The following CNTNAP2 variants were observed in gnomAD, a reference collection of about 807,000 sequenced individuals.
The protein encoded by CNTNAP2 is contactin associated protein 2.
In CNTNAP2, 98 loss-of-function variants were observed where a neutral mutation model predicts 155.2. That is an observed-to-expected ratio of 0.63 (90% CI 0.54 to 0.75). The LOEUF is 0.75. Among genes scored for constraint, CNTNAP2 ranks in the 30% least tolerant of loss-of-function variants. CNTNAP2 has a pLI of 0.00. For missense variants in CNTNAP2, 1,727 were observed against 1,688.1 expected (o/e 1.02, Z -0.40); for synonymous variants, 651 against 631.2 (o/e 1.03, Z -0.47).
chr7:146,616,967 T>A (rs1799235571), intron 1 of CNTNAP2, among the ~76,000 whole-genome samples: 2 of 152,210 alleles, frequency 1.3e-5, no homozygotes. Flanking sequence ...TGGTTATAAT[T>A]ACGTGATTGG....
At chr7:147,277,559 G>A (rs998479261) in intron 8 of CNTNAP2, among the ~76,000 whole-genome samples, 1 of 151,804 alleles carries the variant, frequency 6.6e-6, no homozygotes, top group African/African-American at 2.4e-5. Context: ...GTTGAATGGA[G>A]ATAATTCAGG....
chr7:148,178,005 G>A, intron 18 of CNTNAP2, among the ~76,000 whole-genome samples: 1 of 151,018 alleles, frequency 6.6e-6, no homozygotes, highest in Non-Finnish European at 1.5e-5. Flanking sequence ...ATGTATAGTT[G>A]AATCTGACTA....
At position 146,923,101 on chromosome 7, in the gene CNTNAP2, G is replaced by A. The variant is rs115084753; in HGVS notation, c.402+83197G>A. On this transcript the variant is annotated intron_variant, in intron 3 of 23. Coordinates refer to ENST00000361727, the MANE Select transcript of CNTNAP2 (RefSeq NM_014141.6). ...TGACTCTTTTGGCTGGGTGATCTGG[G>A]GCAAGTTGCTTAATCTTTTAAAGCT... is the stretch of plus-strand genomic sequence containing the variant. 3.6e-3 allele frequency among the ~76,000 whole-genome samples: 546 copies of A among 152,204 alleles called. 3 individuals are homozygous for A. The highest frequency in any genetic ancestry group is 0.012 in the African/African-American group (513 of 41,538).
intron 5 of CNTNAP2, among the ~76,000 whole-genome samples, chr7:147,110,653 G>C (rs1271100343): frequency 6.6e-6 from 1 of 152,080 alleles, no homozygotes; most frequent in Non-Finnish European, 1.5e-5. Context: ...GCATTAGTTT[G>C]CTGAGGACAA....
At chr7:148,346,429 C>T (rs959388113) in intron 21 of CNTNAP2, among the ~76,000 whole-genome samples, 2 of 152,078 alleles carry the variant, frequency 1.3e-5, no homozygotes, top group African/African-American at 4.8e-5. Flanking sequence ...TTCCAGGGAA[C>T]AATTTTCTAT....
chr7:146,727,494 G>A (rs1041455801), intron 1 of CNTNAP2, among the ~76,000 whole-genome samples: 2 of 152,120 alleles, frequency 1.3e-5, no homozygotes, highest in African/African-American at 4.8e-5. Context: ...ATGGTGAGAT[G>A]ACCTCTGTGT....
chr7:146,677,195 A>G (rs982418246), intron 1 of CNTNAP2, among the ~76,000 whole-genome samples: 1 of 152,160 alleles, frequency 6.6e-6, no homozygotes, highest in Admixed American at 6.5e-5. Context: ...AAGTGGGGGA[A>G]GTGGGAGGCT....
At position 147,040,451 on chromosome 7, in the gene CNTNAP2, A is replaced by ATTT. The variant is rs34880534; in HGVS notation, c.403-3431_403-3429dup. On this transcript the variant is annotated intron_variant, in intron 3 of 23. Transcript: ENST00000361727. ...CTAGCATCATATGGATTAAGAGTGAATTTTTTTTTTTTTTTTTTTTTTTTT... is the reference window on the plus strand; with the variant it reads ...CTAGCATCATATGGATTAAGAGTGAATTTTTTTTTTTTTTTTTTTTTTTTTTTT... 4.6e-4 allele frequency among the ~76,000 whole-genome samples: 37 copies of ATTT among 80,852 alleles called. 1 individual carries two copies. Among genetic ancestry groups the ATTT allele is most frequent in the Admixed American group, 6.6e-4 (5 of 7,530 alleles). The allele number at this position is 80,852 out of a possible 152,430, so 53.0% of individuals were successfully genotyped here.
rs540250802 is a variant in CNTNAP2 at position 147,176,243 on chromosome 7, A to T, written c.1348+43734A>T. 2.6e-5 allele frequency among the ~76,000 whole-genome samples: 4 copies of T among 152,334 alleles called. No homozygotes were observed. In the South Asian group the frequency reaches 8.3e-4, roughly 32 times the overall value. ...GAATTGAAGATCCATTTACCTCATC[A>T]GTTGGAAAATAAGCATTTTTCAAAA... On this transcript the variant is annotated intron_variant, in intron 8 of 23. Transcript: ENST00000361727.
intron 2 of CNTNAP2, among the ~76,000 whole-genome samples, chr7:146,781,133 C>G (rs2129187153): frequency 6.6e-6 from 1 of 150,524 alleles, no homozygotes; most frequent in Non-Finnish European, 1.5e-5. Flanking sequence ...GAGGCTGAGA[C>G]AGGAGAATGG....
At chr7:147,574,312 C>T (rs867864881) in intron 12 of CNTNAP2, among the ~76,000 whole-genome samples, 1 of 151,874 alleles carries the variant, frequency 6.6e-6, no homozygotes, top group Non-Finnish European at 1.5e-5. Context: ...CACAGCTTTC[C>T]TCATATTCGT....
chr7:147,398,826 T>C (rs2116461564), intron 10 of CNTNAP2, among the ~76,000 whole-genome samples: 1 of 149,144 alleles, frequency 6.7e-6, no homozygotes, highest in East Asian at 2.0e-4. Context: ...GCTGACATGG[T>C]AGAGGGAGGG....
chr7:148,123,689 A>G (rs1185183520), intron 16 of CNTNAP2, among the ~76,000 whole-genome samples: 107 of 151,152 alleles, frequency 7.1e-4, no homozygotes, highest in African/African-American at 2.4e-3. Context: ...GGAAGGAAAA[A>G]GAAAGAGAAA....
intron 1 of CNTNAP2, among the ~76,000 whole-genome samples, chr7:146,608,118 A>G (rs1181143003): frequency 6.6e-6 from 1 of 152,214 alleles, no homozygotes; most frequent in Non-Finnish European, 1.5e-5. Context: ...AAACTAAACA[A>G]ATACTTTATA....
chr7:147,994,249 G>A (rs976450784), intron 15 of CNTNAP2, among the ~76,000 whole-genome samples: 23 of 151,928 alleles, frequency 1.5e-4, no homozygotes, highest in Non-Finnish European at 1.9e-4. Flanking sequence ...GCACATGCCC[G>A]TGGCCCAACT....
At chr7:147,387,965 T>C (rs923004205) in intron 9 of CNTNAP2, among the ~76,000 whole-genome samples, 1 of 152,224 alleles carries the variant, frequency 6.6e-6, no homozygotes, top group Non-Finnish European at 1.5e-5. Context: ...TTCTTCTTCC[T>C]ACATTCCTGT....
At chr7:147,616,007 T>C (rs1423900278) in intron 12 of CNTNAP2, among the ~76,000 whole-genome samples, 2 of 152,142 alleles carry the variant, frequency 1.3e-5, no homozygotes, top group African/African-American at 2.4e-5. Context: ...AATGGTACCA[T>C]CATTTGCCTG....
At chr7:147,869,512 A>T (rs1799291956) in intron 13 of CNTNAP2, among the ~76,000 whole-genome samples, 1 of 152,226 alleles carries the variant, frequency 6.6e-6, no homozygotes, top group Non-Finnish European at 1.5e-5. Context: ...AAATGAATCA[A>T]CCCTGGAAGA....
At chr7:147,115,158 A>T (rs1457641447) in intron 5 of CNTNAP2, among the ~76,000 whole-genome samples, 1 of 152,228 alleles carries the variant, frequency 6.6e-6, no homozygotes, top group African/African-American at 2.4e-5. Context: ...TCTAGCTTGT[A>T]GAGTTTCTGC....
Sources: allele counts gnomAD v4.1 joint callset (sites outside exome capture counted in the v4.1 genomes callset), GRCh38; gene constraint gnomAD v4.1.1; transcripts MANE v1.5; gene names NCBI Gene and HGNC (gene_info 2026-07-23, HGNC 2026-07-21).